Variants in LRP6 observed in about 807,000 individuals in gnomAD.
LRP6 encodes the protein low-density lipoprotein receptor-related protein 6.
In LRP6, 43 loss-of-function variants were observed where a neutral mutation model predicts 184.1. The observed-to-expected ratio is 0.23, with a 90% CI of 0.18 to 0.30. The LOEUF is 0.30. Among genes scored for constraint, LRP6 ranks in the 10% least tolerant of loss-of-function variants. LRP6 has a pLI of 1.00. For synonymous variants in LRP6, 719 were observed against 684.9 expected, an observed-to-expected ratio of 1.05 and a Z score of -0.78; for missense variants, 1,571 against 2,005.3, an observed-to-expected ratio of 0.78 and a Z score of 4.14.
intron 2 of LRP6, among the ~76,000 whole-genome samples, chr12:12,216,304 G>A (rs1003494409): frequency 5.3e-5 from 8 of 152,012 alleles, no homozygotes; most frequent in Non-Finnish European, 5.9e-5. Context: ...AAGTGACTTT[G>A]TTACCCACAA....
At chr12:12,125,031 C>G (rs1252718690) in intron 21 of LRP6, among the ~76,000 whole-genome samples, 1 of 152,164 alleles carries the variant, frequency 6.6e-6, no homozygotes, top group African/African-American at 2.4e-5. Flanking sequence ...CCTAATCCCT[C>G]AATAGGTACC....
At chr12:12,135,633 G>C (rs1435822184) in intron 16 of LRP6, among the ~76,000 whole-genome samples, 1 of 151,342 alleles carries the variant, frequency 6.6e-6, no homozygotes, top group Admixed American at 6.6e-5. Flanking sequence ...AGCTGGGATT[G>C]CAGGTGACTG....
At chr12:12,233,241 G>A (rs1654022878) in intron 2 of LRP6, among the ~76,000 whole-genome samples, 1 of 152,154 alleles carries the variant, frequency 6.6e-6, no homozygotes, top group Non-Finnish European at 1.5e-5. Flanking sequence ...GCCAAGGTGG[G>A]TGGATCACAA....
chr12:12,122,391 G>A (rs1195706719), intron 22 of LRP6, among the ~76,000 whole-genome samples: 5 of 152,118 alleles, frequency 3.3e-5, no homozygotes, highest in African/African-American at 1.2e-4. Context: ...GACTACAAGA[G>A]AAGGGGAAAA....
intron 1 of LRP6, among the ~76,000 whole-genome samples, chr12:12,255,834 T>G (rs537385495): frequency 6.6e-6 from 1 of 152,126 alleles, no homozygotes; most frequent in Admixed American, 6.5e-5. Flanking sequence ...CCTTCCAAAG[T>G]GCTGGGATTA....
intron 1 of LRP6, among the ~76,000 whole-genome samples, chr12:12,250,303 A>G (rs948775997): frequency 6.6e-6 from 1 of 152,160 alleles, no homozygotes; most frequent in Admixed American, 6.5e-5. Flanking sequence ...GTAAACTGGG[A>G]GTACATCACA....
chr12:12,178,564 T>C (rs1473738973), intron 7 of LRP6, among the ~76,000 whole-genome samples: 1 of 152,188 alleles, frequency 6.6e-6, no homozygotes, highest in Admixed American at 6.5e-5. Flanking sequence ...TAGATGGGAT[T>C]AGGTAGGCAA....
Position 12,130,783 on chromosome 12 carries a change from A to C in LRP6, c.4081T>G (p.Tyr1361Asp), listed in dbSNP as rs773769215. The C allele has an allele frequency of 2.5e-6, 4 of 1,596,314 alleles. No homozygotes were observed. Among genetic ancestry groups the C allele is most frequent in the Non-Finnish European group, 3.4e-6 (4 of 1,163,786 alleles). Residue 1361 changes from tyrosine to aspartate, a missense_variant and splice_region_variant, in exon 19 of 23, where the codon TAT becomes GAT. Physicochemically the swap from Tyr to Asp is radical, Grantham distance 160. This residue lies in a region of LRP6 where 763 missense variants were observed against 859.5 expected (regional missense o/e 0.89). Coordinates refer to ENST00000261349, the MANE Select transcript of LRP6 (RefSeq NM_002336.3). ...CSDKSDELDCYPTEEPAPQAT... is the reference protein window; with the variant it reads ...CSDKSDELDCDPTEEPAPQAT... ...ATTTATAGATCTCAGTCCTACTTAC[A>C]ACAATCCAGTTCATCTGACTTGTCA... is the stretch of plus-strand genomic sequence containing the variant.
chr12:12,166,229 A>G (rs757844705), intron 7 of LRP6, among the ~76,000 whole-genome samples: 36 of 152,192 alleles, frequency 2.4e-4, no homozygotes, highest in Non-Finnish European at 5.1e-4. Context: ...GGTCTCAGGT[A>G]GGGACTTGAA....
chr12:12,262,739 C>T (rs1476358381), intron 1 of LRP6, among the ~76,000 whole-genome samples: 6 of 152,062 alleles, frequency 3.9e-5, no homozygotes, highest in Non-Finnish European at 8.8e-5. Flanking sequence ...CTGTGAGGCC[C>T]GTTAGATTAG....
chr12:12,159,679 A>C, intron 11 of LRP6, 101 bp downstream of exon 11: 1 of 1,089,270 alleles, frequency 9.2e-7, no homozygotes, highest in South Asian at 1.3e-5. Context: ...GGACACATTC[A>C]TATGAAGTTG....
chr12:12,257,779 CAAAAAAAAAAAAAAAAAAA>C (rs1163180718), intron 1 of LRP6, among the ~76,000 whole-genome samples: 146 of 35,340 alleles, frequency 4.1e-3, no homozygotes, highest in African/African-American at 0.015. Context: ...CCTGTCTCTA[CAAAAAAAAAAAAAAAAAAA>C]AAAAAAAAAA....
intron 1 of LRP6, chr12:12,249,432 C>T (rs1455302342): frequency 7.8e-6 from 6 of 771,320 alleles, no homozygotes; most frequent in Admixed American, 1.9e-5. Flanking sequence ...AGCAACTAAT[C>T]GAAAAGAAAA....
chr12:12,130,744 C>T (rs376924310), intron 19 of LRP6, 39 bp downstream of exon 19: 10 of 1,294,310 alleles, frequency 7.7e-6, no homozygotes, highest in Non-Finnish European at 1.1e-5. Flanking sequence ...TGTTTAAATT[C>T]TCTGTTAAGA....
chr12:12,195,269 C>T (rs1287437766), intron 3 of LRP6, among the ~76,000 whole-genome samples: 1 of 152,080 alleles, frequency 6.6e-6, no homozygotes. Context: ...TTTTGAGGAA[C>T]TTCCATACTG....
intron 19 of LRP6, 64 bp downstream of exon 19, chr12:12,130,719 C>T (rs1473209248): frequency 2.0e-6 from 2 of 975,704 alleles, no homozygotes; most frequent in Non-Finnish European, 3.3e-6. Context: ...AAACCTCACA[C>T]ATAAGAAAAA....
intron 1 of LRP6, among the ~76,000 whole-genome samples, chr12:12,259,195 A>C (rs552563307): frequency 6.6e-6 from 1 of 150,770 alleles, no homozygotes; most frequent in East Asian, 2.0e-4. Flanking sequence ...CCCAGGAGGC[A>C]GATGTCACAG....
chr12:12,224,158 C>T lies in LRP6; in HGVS notation c.449+20104G>A, dbSNP rs532984298. Among the ~76,000 whole-genome samples, 10 of 152,280 alleles carry T rather than the reference C, an allele frequency of 6.6e-5. No homozygotes were observed. In the South Asian group the frequency reaches 1.9e-3, roughly 28 times the overall value. On this transcript the variant is annotated intron_variant, in intron 2 of 22. Coordinates refer to ENST00000261349, the MANE Select transcript of LRP6 (RefSeq NM_002336.3). The stretch of plus-strand genomic sequence containing the variant: ...CTTCTGTCTCAATCTGCATTCCATC[C>T]TGGAATCCCCCAGCCTCCTAAAAGA...
intron 3 of LRP6, among the ~76,000 whole-genome samples, chr12:12,200,448 G>C (rs111580539): frequency 5.3e-4 from 81 of 152,160 alleles, no homozygotes; most frequent in African/African-American, 1.8e-3. Flanking sequence ...TTCTTCCAAG[G>C]AGGCTGAGGC....
Sources: gnomAD v4.1 joint callset for allele counts (sites outside exome capture counted in the v4.1 genomes callset) on GRCh38, gnomAD v4.1.1 for gene constraint, gnomAD v4.1.1 regional missense constraint, MANE v1.5 for transcripts, NCBI Gene and HGNC (gene_info 2026-07-23, HGNC 2026-07-21) for gene names.